The following PHF14 variants were observed in gnomAD, a reference collection of about 807,000 sequenced individuals.
PHF14 encodes PHD finger protein 14.
PHF14 carries 55 observed loss-of-function variants against 117.9 expected under a neutral mutation model. The observed-to-expected ratio is 0.47, with a 90% CI of 0.38 to 0.58. PHF14 has a LOEUF of 0.58. PHF14 is among the 20% of genes least tolerant of loss of function. The pLI is 0.00. For missense variants in PHF14, 978 were observed against 1,122.2 expected (o/e 0.87, Z 1.84); for synonymous variants, 409 against 368.6 (o/e 1.11, Z -1.26).
At chr7:11,011,234 G>A (rs572114477) in intron 4 of PHF14, among the ~76,000 whole-genome samples, 7 of 151,826 alleles carry the variant, frequency 4.6e-5, no homozygotes, top group Admixed American at 2.0e-4. Flanking sequence ...TTCCTTTCTC[G>A]TGGGTGATTT....
rs569941715 is a variant in PHF14, at chr7:10,984,716, G to T, written c.900+1557G>T. Among the ~76,000 whole-genome samples the T allele has an allele frequency of 4.6e-5, 7 of 152,238 alleles. No homozygotes were observed. In the South Asian group the frequency reaches 1.5e-3, roughly 32 times the overall value. Reference sequence around the variant, plus strand: ...CTGCATGTGTTTAGGAATTTGCCACGTAAAGTGTGTGTAGTATCTGTTTAT... The same window carrying T: ...CTGCATGTGTTTAGGAATTTGCCACTTAAAGTGTGTGTAGTATCTGTTTAT... On this transcript the variant is annotated intron_variant, in intron 3 of 17. Coordinates refer to ENST00000634607, the MANE Select transcript of PHF14 (RefSeq NM_001007157.2).
chr7:11,098,893 T>C (rs1271685986), intron 16 of PHF14, among the ~76,000 whole-genome samples: 1 of 152,184 alleles, frequency 6.6e-6, no homozygotes, highest in Non-Finnish European at 1.5e-5. Flanking sequence ...TGACTTAAGA[T>C]AAATGTCTTT....
chr7:11,112,707 G>C (rs924924812), intron 17 of PHF14, among the ~76,000 whole-genome samples: 1 of 151,810 alleles, frequency 6.6e-6, no homozygotes, highest in Non-Finnish European at 1.5e-5. Context: ...GGAGGCAGAG[G>C]TTGCAGTGAA....
chr7:11,023,076 T>G (rs1460684954), intron 6 of PHF14, 97 bp downstream of exon 6: 1 of 571,524 alleles, frequency 1.7e-6, no homozygotes, highest in Non-Finnish European at 3.1e-6. Context: ...GCAGAAATGC[T>G]TACTAGGAAT....
intron 17 of PHF14, among the ~76,000 whole-genome samples, chr7:11,120,692 T>G (rs915840033): frequency 6.6e-6 from 1 of 152,082 alleles, no homozygotes; most frequent in Non-Finnish European, 1.5e-5. Flanking sequence ...ACTTTTAATA[T>G]TGATGGTAAT....
chr7:11,012,338 C>G (rs1362341152), intron 4 of PHF14, among the ~76,000 whole-genome samples: 1 of 152,140 alleles, frequency 6.6e-6, no homozygotes, highest in African/African-American at 2.4e-5. Flanking sequence ...TCCAGGACCC[C>G]TGCAGATACC....
chr7:11,162,793 C>G (rs1316414788), intron 17 of PHF14, among the ~76,000 whole-genome samples: 1 of 148,550 alleles, frequency 6.7e-6, no homozygotes, highest in African/African-American at 2.5e-5. Flanking sequence ...TCAAGTGATT[C>G]TCCTGCCTCA....
chr7:11,166,255 C>T (rs565424093), intron 17 of PHF14, among the ~76,000 whole-genome samples: 1 of 151,802 alleles, frequency 6.6e-6, no homozygotes, highest in South Asian at 2.1e-4. Flanking sequence ...TCAGGGCTGT[C>T]ACTAAGAAAA....
chr7:11,011,056 C>G (rs927019472), intron 4 of PHF14, among the ~76,000 whole-genome samples: 2 of 152,150 alleles, frequency 1.3e-5, no homozygotes, highest in African/African-American at 4.8e-5. Flanking sequence ...GTCATAGCTG[C>G]AAACCAACTT....
intron 16 of PHF14, among the ~76,000 whole-genome samples, chr7:11,093,306 T>C (rs1355130530): frequency 1.3e-5 from 2 of 152,228 alleles, no homozygotes; most frequent in African/African-American, 2.4e-5. Flanking sequence ...TGATTGAATG[T>C]TGGACATCAT....
intron 16 of PHF14, among the ~76,000 whole-genome samples, chr7:11,099,287 C>G (rs1786998972): frequency 6.6e-6 from 1 of 151,850 alleles, no homozygotes; most frequent in East Asian, 1.9e-4. Context: ...TAACATCAGA[C>G]CTTTAAGTGT....
intron 7 of PHF14, 148 bp downstream of exon 7, chr7:11,028,966 A>G: frequency 1.6e-6 from 1 of 642,004 alleles, no homozygotes; most frequent in Non-Finnish European, 2.5e-6. Flanking sequence ...CTTTAAGAGT[A>G]AATGCCTATG....
At chr7:11,093,880 T>A (rs1440681557) in intron 16 of PHF14, among the ~76,000 whole-genome samples, 2 of 152,012 alleles carry the variant, frequency 1.3e-5, no homozygotes, top group African/African-American at 4.8e-5. Flanking sequence ...AGTACAAGGG[T>A]AGTATACTGG....
intron 17 of PHF14, among the ~76,000 whole-genome samples, chr7:11,166,868 C>G (rs1366298688): frequency 6.6e-6 from 1 of 152,150 alleles, no homozygotes; most frequent in Non-Finnish European, 1.5e-5. Context: ...CTGTCCTGAA[C>G]AGCAGGCAGT....
At chr7:11,093,048 G>A (rs1050191192) in intron 16 of PHF14, among the ~76,000 whole-genome samples, 1 of 152,162 alleles carries the variant, frequency 6.6e-6, no homozygotes, top group Admixed American at 6.5e-5. Flanking sequence ...GTCCTGCCAA[G>A]CAAAACTAGC....
In PHF14 at chr7:11,038,791, T is replaced by G. The variant is rs1386438685; in HGVS notation, c.2012T>G (p.Leu671Arg). The G allele has an allele frequency of 1.3e-6, 2 of 1,594,628 alleles. No homozygotes were observed. The highest frequency in any genetic ancestry group is 2.7e-5 in the African/African-American group (2 of 74,486). Residue 671 changes from leucine (L) to arginine (R), a missense_variant, in exon 11 of 18, where the codon CTG becomes CGG. Physicochemically the swap from Leu to Arg is moderately radical, Grantham distance 102. Transcript: ENST00000634607. ...GAATCTTTAGAAGAACTACAAAACC[T>G]GAATGGAAAACTTCGAAGTGAAGGA... ...LCESLEELQN[L>R]NGKLRSEGQG...
intron 3 of PHF14, among the ~76,000 whole-genome samples, chr7:10,988,016 C>CCAA (rs1554299508): frequency 0.15 from 17,893 of 115,548 alleles, 1,460 homozygotes; most frequent in East Asian, 0.28. Context: ...AACTCCTTCT[C>CCAA]AAAAAAAAAA....
intron 17 of PHF14, among the ~76,000 whole-genome samples, chr7:11,128,077 G>C (rs539184748): frequency 9.2e-5 from 14 of 152,060 alleles, no homozygotes; most frequent in African/African-American, 3.4e-4. Flanking sequence ...AACTTCTCAA[G>C]ATTCACTGTA....
chr7:11,016,643 G>A (rs558479819), intron 5 of PHF14, among the ~76,000 whole-genome samples: 1 of 152,028 alleles, frequency 6.6e-6, no homozygotes, highest in East Asian at 1.9e-4. Context: ...TATTCATGGG[G>A]TACATGAGAT....
Sources: allele counts gnomAD v4.1 joint callset (sites outside exome capture counted in the v4.1 genomes callset), GRCh38; gene constraint gnomAD v4.1.1; transcripts MANE v1.5; gene names NCBI Gene and HGNC (gene_info 2026-07-23, HGNC 2026-07-21).